The following CSMD1 variants were observed in gnomAD, a reference collection of about 807,000 sequenced individuals.
CSMD1 encodes CUB and Sushi multiple domains 1.
In CSMD1, 213 loss-of-function variants were observed where a neutral mutation model predicts 417.5. That is an observed-to-expected ratio of 0.51 (90% CI 0.46 to 0.57). CSMD1 has a LOEUF of 0.57. Ranked by LOEUF, CSMD1 falls within the 20% of genes least tolerant of loss-of-function variation. The pLI is 0.00. For missense variants in CSMD1, 6,923 were observed against 4,529.7 expected, an observed-to-expected ratio of 1.53 and a Z score of -15.17; for synonymous variants, 2,862 against 1,736.8, an observed-to-expected ratio of 1.65 and a Z score of -16.11.
intron 2 of CSMD1, among the ~76,000 whole-genome samples, chr8:4,473,722 C>T (rs1800653824): frequency 6.6e-6 from 1 of 152,150 alleles, no homozygotes; most frequent in African/African-American, 2.4e-5. Context: ...GAATGTGTAG[C>T]ATGTAGTAAC....
intron 3 of CSMD1, among the ~76,000 whole-genome samples, chr8:4,080,319 C>A (rs1197016913): frequency 1.3e-5 from 2 of 152,196 alleles, no homozygotes; most frequent in Non-Finnish European, 2.9e-5. Context: ...AAGGCACGAT[C>A]TTACCCGTGA....
At chr8:3,556,556 T>TCTCG (rs1799163179) in intron 10 of CSMD1, among the ~76,000 whole-genome samples, 2 of 148,336 alleles carry the variant, frequency 1.3e-5, no homozygotes, top group Non-Finnish European at 3.0e-5. Flanking sequence ...ACACACCCTC[T>TCTCG]CTCTCTTTCA....
intron 1 of CSMD1, among the ~76,000 whole-genome samples, chr8:4,870,352 C>T (rs932840163): frequency 4.6e-5 from 7 of 152,238 alleles, no homozygotes; most frequent in African/African-American, 9.6e-5. Context: ...TTTTTATGCA[C>T]TGCTATTTAT....
intron 50 of CSMD1, among the ~76,000 whole-genome samples, chr8:3,042,904 G>A (rs1000981996): frequency 1.3e-5 from 2 of 151,782 alleles, no homozygotes; most frequent in African/African-American, 4.8e-5. Flanking sequence ...GAAACCTACA[G>A]TACAAGGTCA....
Position 4,968,051 on chromosome 8 carries a change from T to C in CSMD1, c.85+26281A>G, listed in dbSNP as rs1048992946. Among the ~76,000 whole-genome samples, 7 of 152,240 alleles carry C rather than the reference T, an allele frequency of 4.6e-5. No individual in the cohort carries two copies. The East Asian group carries it at 1.2e-3, about 25-fold the overall frequency. On this transcript the variant is annotated intron_variant, in intron 1 of 69. Coordinates refer to ENST00000635120, the MANE Select transcript of CSMD1 (RefSeq NM_033225.6). ...TGACAAATAAACCAAGCCAGCCAAA[T>C]TAGAGTTCTTAGGTTAGCTGAGAAA...
At chr8:3,593,701 T>C (rs1800962695) in intron 8 of CSMD1, among the ~76,000 whole-genome samples, 1 of 152,204 alleles carries the variant, frequency 6.6e-6, no homozygotes, top group African/African-American at 2.4e-5. Context: ...TAAAACTACA[T>C]TTTATACATC....
chr8:3,821,573 A>G (rs76357567), intron 5 of CSMD1, among the ~76,000 whole-genome samples: 15,887 of 152,196 alleles, frequency 0.1, 2,112 homozygotes, highest in African/African-American at 0.31. Context: ...ACTGAGGTCA[A>G]GAGTACGAGA....
intron 3 of CSMD1, among the ~76,000 whole-genome samples, chr8:4,078,507 G>A (rs757675385): frequency 6.6e-6 from 1 of 151,478 alleles, no homozygotes; most frequent in Non-Finnish European, 1.5e-5. Context: ...CTTGTGATCT[G>A]CCCACCTCGG....
chr8:4,888,258 G>A (rs1803881083), intron 1 of CSMD1, among the ~76,000 whole-genome samples: 1 of 151,984 alleles, frequency 6.6e-6, no homozygotes, highest in African/African-American at 2.4e-5. Flanking sequence ...TCGATAAGGA[G>A]TAATTTTCAA....
chr8:4,818,651 A>G (rs942424408), intron 1 of CSMD1, among the ~76,000 whole-genome samples: 2 of 152,240 alleles, frequency 1.3e-5, no homozygotes, highest in African/African-American at 4.8e-5. Flanking sequence ...TAATATCTTT[A>G]GAGAAAGGGC....
At chr8:4,950,495 A>C (rs761701951) in intron 1 of CSMD1, among the ~76,000 whole-genome samples, 3 of 152,218 alleles carry the variant, frequency 2.0e-5, no homozygotes, top group Non-Finnish European at 4.4e-5. Context: ...AAATCAGCCT[A>C]CATCTATTAA....
intron 2 of CSMD1, among the ~76,000 whole-genome samples, chr8:4,589,554 A>C (rs1298629634): frequency 6.6e-6 from 1 of 152,190 alleles, no homozygotes; most frequent in East Asian, 1.9e-4. Context: ...ATAATATGTT[A>C]ATGTCGACTC....
At chr8:3,419,947 G>C (rs1224838495) in intron 12 of CSMD1, among the ~76,000 whole-genome samples, 1 of 152,142 alleles carries the variant, frequency 6.6e-6, no homozygotes, top group African/African-American at 2.4e-5. Context: ...CCTGTGAGTT[G>C]CTAGAAGTAC....
At position 4,603,019 on chromosome 8, in the gene CSMD1, T is replaced by C. The variant is rs370912676; in HGVS notation, c.302+34323A>G. On this transcript the variant is annotated intron_variant, in intron 2 of 69. Coordinates refer to ENST00000635120, the MANE Select transcript of CSMD1 (RefSeq NM_033225.6). ...CTGAACTATTTTTAATAATAAAATA[T>C]TGATTCTCCAACTGAAATTCTAAAA... Among the ~76,000 whole-genome samples, 16 of 152,110 alleles carry C rather than the reference T, an allele frequency of 1.1e-4. No individual in the cohort carries two copies. The East Asian group carries it at 1.3e-3, about 13-fold the overall frequency.
intron 3 of CSMD1, among the ~76,000 whole-genome samples, chr8:4,058,504 T>G (rs1259864508): frequency 6.6e-6 from 1 of 152,132 alleles, no homozygotes; most frequent in Non-Finnish European, 1.5e-5. Context: ...CCTTCCTCTT[T>G]TCCTAACTGA....
At chr8:3,160,346 C>A (rs1046613377) in intron 38 of CSMD1, among the ~76,000 whole-genome samples, 1 of 152,106 alleles carries the variant, frequency 6.6e-6, no homozygotes, top group African/African-American at 2.4e-5. Flanking sequence ...TGGTCTCAAA[C>A]TCCTCGATTC....
intron 5 of CSMD1, among the ~76,000 whole-genome samples, chr8:3,782,711 G>C (rs1028086382): frequency 6.6e-6 from 1 of 152,134 alleles, no homozygotes; most frequent in African/African-American, 2.4e-5. Context: ...TTTTGGCTAG[G>C]TTCAAGGAGC....
intron 54 of CSMD1, among the ~76,000 whole-genome samples, chr8:2,991,345 T>C (rs930051524): frequency 6.6e-6 from 1 of 152,232 alleles, no homozygotes; most frequent in Non-Finnish European, 1.5e-5. Context: ...TAAATATACA[T>C]CTACGAATGA....
intron 5 of CSMD1, among the ~76,000 whole-genome samples, chr8:3,967,795 T>C (rs2688349): frequency 0.49 from 73,962 of 151,676 alleles, 18,274 homozygotes; most frequent in East Asian, 0.7. Flanking sequence ...AATCTACATA[T>C]CCAATTTGCT....
Sources: allele counts gnomAD v4.1 joint callset (sites outside exome capture counted in the v4.1 genomes callset), GRCh38; gene constraint gnomAD v4.1.1; transcripts MANE v1.5; gene names NCBI Gene and HGNC (gene_info 2026-07-23, HGNC 2026-07-21).